The following UTRN variants were observed in gnomAD, a reference collection of about 807,000 sequenced individuals.
UTRN encodes the protein dystrophin-related protein 1.
UTRN carries 283 observed loss-of-function variants against 463.9 expected under a neutral mutation model. The ratio of observed to expected loss-of-function variants is 0.61; its 90% CI spans 0.55 to 0.67. The LOEUF is 0.67. Among genes scored for constraint, UTRN ranks in the 30% least tolerant of loss-of-function variants. The pLI is 0.00. For missense variants in UTRN, 3,922 were observed against 4,084.3 expected (o/e 0.96, Z 1.08); for synonymous variants, 1,442 against 1,431.5 (o/e 1.01, Z -0.17).
chr6:144,525,440 C>T (rs753599312), intron 41 of UTRN, among the ~76,000 whole-genome samples: 2 of 152,000 alleles, frequency 1.3e-5, no homozygotes, highest in African/African-American at 2.4e-5. Context: ...AGGAATTTAT[C>T]CATATCCTCT....
intron 54 of UTRN, among the ~76,000 whole-genome samples, chr6:144,735,681 T>TC (rs1381834542): frequency 6.6e-5 from 10 of 152,134 alleles, no homozygotes; most frequent in African/African-American, 2.2e-4. Context: ...TCCCTAGGAC[T>TC]TTGCGAAGTT....
intron 3 of UTRN, among the ~76,000 whole-genome samples, chr6:144,412,736 G>A (rs184935536): frequency 4.2e-3 from 452 of 107,076 alleles, no homozygotes; most frequent in African/African-American, 0.026. Flanking sequence ...GTGTGTGTGT[G>A]TATATATATA....
At position 144,846,804 on chromosome 6, in the gene UTRN, G is replaced by A. The variant is rs1249978477; in HGVS notation, c.10271-1G>A. The A allele has an allele frequency of 1.2e-6, 2 of 1,613,990 alleles. No individual in the cohort carries two copies. Among genetic ancestry groups the A allele is most frequent in the Non-Finnish European group, 1.7e-6 (2 of 1,179,926 alleles). On this transcript the variant is annotated splice_acceptor_variant, in intron 73 of 74. Coordinates refer to ENST00000367545, the MANE Select transcript of UTRN (RefSeq NM_007124.3). LOFTEE classifies it high-confidence loss of function. ...GTGATTTCTTTTGTTTTCTCTTTCA[G>A]CAAATGTTCCCAGCAGGCCACAGGT... is the stretch of plus-strand genomic sequence containing the variant.
At chr6:144,421,326 A>AATATT in intron 3 of UTRN, among the ~76,000 whole-genome samples, 1 of 152,230 alleles carries the variant, frequency 6.6e-6, no homozygotes, top group East Asian at 1.9e-4. Context: ...GAAAAATGCA[A>AATATT]TTTATTTCAG....
rs1267703472 is a variant in UTRN, at chr6:144,516,211, A to G, written c.5245-18A>G. The G allele has an allele frequency of 2.5e-6, 4 of 1,605,978 alleles. No individual in the cohort carries two copies. Among genetic ancestry groups the G allele is most frequent in the Non-Finnish European group, 3.4e-6 (4 of 1,178,002 alleles). ...CAAATTAAAAATCTATTTTCAGAGA[A>G]TTCTTTTCCTTCTACAGTTGCTAAT... On this transcript the variant is annotated intron_variant, in intron 37 of 74. Transcript: ENST00000367545.
At chr6:144,616,518 T>G (rs1806117161) in intron 51 of UTRN, among the ~76,000 whole-genome samples, 1 of 148,448 alleles carries the variant, frequency 6.7e-6, no homozygotes, top group African/African-American at 2.5e-5. Flanking sequence ...TTCGGAAATT[T>G]GTGTTTTGTC....
At chr6:144,452,995 T>C (rs1389559553) in intron 18 of UTRN, among the ~76,000 whole-genome samples, 1 of 151,238 alleles carries the variant, frequency 6.6e-6, no homozygotes, top group Admixed American at 6.6e-5. Flanking sequence ...TTCTAAAGCA[T>C]ATTTACTATT....
chr6:144,339,139 T>C (rs560350192), intron 2 of UTRN, among the ~76,000 whole-genome samples: 1 of 152,270 alleles, frequency 6.6e-6, no homozygotes, highest in South Asian at 2.1e-4. Context: ...GTTGTGAAAC[T>C]CTTTGACATG....
At chr6:144,510,625 G>C (rs1214357290) in intron 34 of UTRN, among the ~76,000 whole-genome samples, 1 of 152,106 alleles carries the variant, frequency 6.6e-6, no homozygotes, top group African/African-American at 2.4e-5. Flanking sequence ...TACATTTAGA[G>C]TGATGATGAA....
At chr6:144,640,031 A>C (rs1021438263) in intron 51 of UTRN, among the ~76,000 whole-genome samples, 1 of 151,252 alleles carries the variant, frequency 6.6e-6, no homozygotes, top group Non-Finnish European at 1.5e-5. Flanking sequence ...CCCAGTGAAC[A>C]AAGTGTTTTT....
rs751049028 is a variant in UTRN at position 144,474,890 on chromosome 6, G to A, written c.3336+131G>A. 1,107 of 1,003,712 alleles carry A rather than the reference G, an allele frequency of 1.1e-3. 3 individuals are homozygous for A. Among genetic ancestry groups the A allele is most frequent in the Non-Finnish European group, 1.3e-3 (943 of 706,790 alleles). 62.2% of individuals were successfully genotyped at this position (1,003,712 alleles called of 1,614,324 possible). A position where few individuals can be genotyped will look rare whatever the true frequency, so the allele number is the denominator to read the frequency against. ...CTAGAATAACTCCAGCATGGGTAGTGAGCTGGGGCCAAAAAAAAAGGCATC... is the reference window on the plus strand; with the variant it reads ...CTAGAATAACTCCAGCATGGGTAGTAAGCTGGGGCCAAAAAAAAAGGCATC... On this transcript the variant is annotated intron_variant, in intron 25 of 74. Coordinates refer to ENST00000367545, the MANE Select transcript of UTRN (RefSeq NM_007124.3).
At chr6:144,450,819 A>C (rs959788941) in intron 17 of UTRN, among the ~76,000 whole-genome samples, 1 of 152,364 alleles carries the variant, frequency 6.6e-6, no homozygotes, top group East Asian at 1.9e-4. Flanking sequence ...TTGTTTTAAT[A>C]TGTAAAGTTT....
At chr6:144,698,243 A>G (rs1444032513) in intron 52 of UTRN, among the ~76,000 whole-genome samples, 2 of 152,192 alleles carry the variant, frequency 1.3e-5, no homozygotes. Context: ...AATCAATATG[A>G]ACACAGAAAA....
chr6:144,402,694 C>A (rs970326470), intron 2 of UTRN, among the ~76,000 whole-genome samples: 2 of 152,060 alleles, frequency 1.3e-5, no homozygotes, highest in Non-Finnish European at 2.9e-5. Flanking sequence ...GAGGAAGTCA[C>A]GAATTCCTGA....
chr6:144,398,171 CTT>C (rs1232410152), intron 2 of UTRN: 1 of 248,006 alleles, frequency 4.0e-6, no homozygotes, highest in Non-Finnish European at 8.3e-6. Context: ...TGTACCTGCT[CTT>C]GCAATATTCT....
intron 23 of UTRN, among the ~76,000 whole-genome samples, chr6:144,463,906 T>G (rs1789669067): frequency 6.6e-6 from 1 of 151,570 alleles, no homozygotes; most frequent in African/African-American, 2.4e-5. Context: ...TCTGTATATA[T>G]GCATATACAT....
chr6:144,801,615 A>T (rs1046954672), intron 64 of UTRN, among the ~76,000 whole-genome samples: 3 of 152,214 alleles, frequency 2.0e-5, no homozygotes, highest in Admixed American at 6.5e-5. Context: ...AATGTTAATG[A>T]AATCTTAGAT....
chr6:144,802,407 G>T (rs149504454), intron 64 of UTRN, among the ~76,000 whole-genome samples: 2 of 152,222 alleles, frequency 1.3e-5, no homozygotes, highest in South Asian at 4.1e-4. Flanking sequence ...TTCTGTAGAT[G>T]TGGGTATAAT....
intron 54 of UTRN, among the ~76,000 whole-genome samples, chr6:144,731,240 T>C (rs1461030971): frequency 6.6e-6 from 1 of 152,120 alleles, no homozygotes; most frequent in Non-Finnish European, 1.5e-5. Flanking sequence ...TAGCTTAAAA[T>C]TGAAATAGTA....
Sources: gnomAD v4.1 joint callset for allele counts (sites outside exome capture counted in the v4.1 genomes callset) on GRCh38, gnomAD v4.1.1 for gene constraint, MANE v1.5 for transcripts, NCBI Gene and HGNC (gene_info 2026-07-23, HGNC 2026-07-21) for gene names.